Variants in MPRIP observed in about 807,000 individuals in gnomAD.
The protein encoded by MPRIP is myosin phosphatase Rho interacting protein.
In MPRIP, 59 loss-of-function variants were observed where a neutral mutation model predicts 234.9. The observed-to-expected ratio is 0.25, with a 90% CI of 0.20 to 0.31. The LOEUF is 0.31. Ranked by LOEUF, MPRIP falls within the 10% of genes least tolerant of loss-of-function variation. MPRIP has a pLI of 1.00. For missense variants in MPRIP, 2,436 were observed against 3,071.0 expected (o/e 0.79, Z 4.89); for synonymous variants, 1,144 against 1,263.9 (o/e 0.91, Z 2.01).
chr17:17,102,437 G>A (rs751362321), intron 3 of MPRIP, among the ~76,000 whole-genome samples: 59 of 152,362 alleles, frequency 3.9e-4, no homozygotes, highest in Middle Eastern at 3.4e-3. Flanking sequence ...GGTGCAGTGC[G>A]GAGCTGTCAG....
At chr17:17,097,098 G>A in intron 3 of MPRIP, 1 of 191,308 alleles carries the variant, frequency 5.2e-6, no homozygotes, top group East Asian at 1.3e-4. Context: ...GGCAGGATCA[G>A]CCAAAGCAGA....
intron 23 of MPRIP, chr17:17,180,551 C>T (rs2046351408): frequency 1.3e-6 from 2 of 1,519,854 alleles, no homozygotes; most frequent in South Asian, 1.1e-5. Context: ...GTGGGAGCGG[C>T]ACCGCGTGTG....
chr17:17,082,211 G>A (rs2089477100), intron 3 of MPRIP, among the ~76,000 whole-genome samples: 1 of 152,014 alleles, frequency 6.6e-6, no homozygotes, highest in Non-Finnish European at 1.5e-5. Context: ...GGGTGGAGCA[G>A]GCCAGGCCAT....
chr17:17,100,166 C>T (rs1184001943), intron 3 of MPRIP, among the ~76,000 whole-genome samples: 2 of 152,132 alleles, frequency 1.3e-5, no homozygotes, highest in Non-Finnish European at 2.9e-5. Flanking sequence ...CTTGGAAACA[C>T]GTTAATTTGG....
Position 17,165,404 on chromosome 17 carries a change from G to T in MPRIP, c.3813G>T (p.Gly1271=). 7.7e-7 allele frequency: 1 copy of T among 1,304,174 alleles called. No individual in the cohort carries two copies. The highest frequency in any genetic ancestry group is 1.0e-6 in the Non-Finnish European group (1 of 988,954). The allele number at this position is 1,304,174 out of a possible 1,614,324, so 80.8% of individuals were successfully genotyped here. ...TRLEDEDEDL[G]APPGEEYGDG... ...TCGAGGATGAGGACGAGGACCTGGGGGCTCCTCCGGGGGAAGAGTACGGTG... is the reference window on the plus strand; with the variant it reads ...TCGAGGATGAGGACGAGGACCTGGGTGCTCCTCCGGGGGAAGAGTACGGTG... The change falls in exon 16 of 24, where the codon GGG becomes GGT. Residue 1271 remains glycine, a synonymous_variant. Coordinates refer to ENST00000651222, the MANE Select transcript of MPRIP (RefSeq NM_001364716.4).
chr17:17,119,402 G>A (rs1284448366), intron 3 of MPRIP, among the ~76,000 whole-genome samples: 2 of 152,262 alleles, frequency 1.3e-5, no homozygotes, highest in African/African-American at 2.4e-5. Flanking sequence ...ATAAACTTAG[G>A]CATGACCTTG....
At position 17,158,452 on chromosome 17, in the gene MPRIP, A is replaced by G; in HGVS notation, c.1850A>G (p.Asn617Ser). Reference sequence around the variant, plus strand: ...CACAGCTCGTTGCCAGAGGAAAAAAACAAGAGCAGCTGCTCTTTTGAGACC... The same window carrying G: ...CACAGCTCGTTGCCAGAGGAAAAAAGCAAGAGCAGCTGCTCTTTTGAGACC... ...DVTSSLPEEK[N>S]KSSCSFETCP... The change falls in exon 14 of 24, where the codon AAC (asparagine) becomes AGC (serine). Residue 617 changes from asparagine (N) to serine (S), a missense_variant. Around this residue, in one of 4 missense-constraint regions of MPRIP, gnomAD observed 1,998 missense variants for 2,520.3 expected, o/e 0.79. Coordinates refer to ENST00000651222, the MANE Select transcript of MPRIP (RefSeq NM_001364716.4). 3 of 1,575,262 alleles carry G rather than the reference A, an allele frequency of 1.9e-6. No homozygotes were observed. Among genetic ancestry groups the G allele is most frequent in the Non-Finnish European group, 2.6e-6 (3 of 1,161,118 alleles).
intron 3 of MPRIP, among the ~76,000 whole-genome samples, chr17:17,122,385 G>A (rs1409295025): frequency 2.6e-5 from 4 of 152,036 alleles, no homozygotes; most frequent in African/African-American, 4.8e-5. Flanking sequence ...ATGGAATCTC[G>A]CTCCATCACC....
chr17:17,172,331 C>T (rs1371346727), intron 17 of MPRIP, among the ~76,000 whole-genome samples: 2 of 152,264 alleles, frequency 1.3e-5, no homozygotes, highest in Non-Finnish European at 2.9e-5. Flanking sequence ...ATCGCCACCT[C>T]AGTGGTTTGT....
At chr17:17,106,774 A>G (rs1181225495) in intron 3 of MPRIP, among the ~76,000 whole-genome samples, 3 of 152,184 alleles carry the variant, frequency 2.0e-5, no homozygotes, top group African/African-American at 4.8e-5. Context: ...CATTTTCCCA[A>G]CCTTGGAAGG....
chr17:17,166,942 A>G lies in MPRIP; in HGVS notation c.5351A>G (p.Gln1784Arg), dbSNP rs760386807. Residue 1784 changes from glutamine (Q) to arginine (R), a missense_variant, in exon 16 of 24, where the codon CAG becomes CGG. Physicochemically the swap from Gln to Arg is conservative, Grantham distance 43. Transcript: ENST00000651222. This position sits in a 1 kb window ranked among gnomAD's most constrained non-coding sequence, Gnocchi z 4.4. ...AFVAIQEELA[Q>R]QLKEKASLLE... is the part of the protein sequence containing the mutation. ...GTTGCTATTCAGGAGGAGCTTGCCC[A>G]GCAGCTGAAGGAGAAGGCCAGCCTC... is the stretch of plus-strand genomic sequence containing the variant. 7.0e-5 allele frequency: 91 copies of G among 1,304,114 alleles called. 2 individuals carry two copies. The South Asian group carries it at 1.0e-3, about 15-fold the overall frequency. The allele number at this position is 1,304,114 out of a possible 1,614,324, so 80.8% of individuals were successfully genotyped here. A position where few individuals can be genotyped will look rare whatever the true frequency, so the allele number is the denominator to read the frequency against.
At chr17:17,076,289 GT>G (rs1427869514) in intron 2 of MPRIP, 2 of 152,552 alleles carry the variant, frequency 1.3e-5, no homozygotes, top group East Asian at 3.9e-4. Context: ...CTGACCTGTG[GT>G]TTGTTTCTCT....
At chr17:17,105,585 GA>G (rs1334037582) in intron 3 of MPRIP, among the ~76,000 whole-genome samples, 1 of 152,208 alleles carries the variant, frequency 6.6e-6, no homozygotes, top group African/African-American at 2.4e-5. Flanking sequence ...CTTGGCCACT[GA>G]GTCAGGCCAC....
intron 3 of MPRIP, among the ~76,000 whole-genome samples, chr17:17,093,196 C>G (rs1309573146): frequency 6.6e-6 from 1 of 152,198 alleles, no homozygotes; most frequent in East Asian, 1.9e-4. Flanking sequence ...CATCCTATTT[C>G]CCCCAAAGTC....
At chr17:17,174,201 T>C in intron 19 of MPRIP, 126 bp downstream of exon 19, 1 of 1,211,168 alleles carries the variant, frequency 8.3e-7, no homozygotes, top group South Asian at 1.5e-5. Context: ...TGAAGGTCCC[T>C]GAACCACAGA....
rs566734262 is a variant in MPRIP, at chr17:17,075,628, G to A, written c.124-82G>A. ...AGAGCAGAGGCAACATCTGTTTCCA[G>A]CGAGTGCTTGCTGTTAACTTGACCT... On this transcript the variant is annotated intron_variant, in intron 1 of 23. Coordinates refer to ENST00000651222, the MANE Select transcript of MPRIP (RefSeq NM_001364716.4). 2.5e-6 allele frequency: 3 copies of A among 1,182,862 alleles called. No individual in the cohort carries two copies. The African/African-American group carries it at 4.5e-5, about 18-fold the overall frequency. The allele number at this position is 1,182,862 out of a possible 1,614,324, so 73.3% of individuals were successfully genotyped here.
Position 17,172,017 on chromosome 17 carries a change from C to G in MPRIP, c.6472+152C>G, listed in dbSNP as rs540658635. The G allele has an allele frequency of 9.3e-5, 88 of 943,556 alleles. No individual in the cohort carries two copies. In the African/African-American group the frequency reaches 1.4e-3, roughly 15 times the overall value. 58.4% of individuals were successfully genotyped at this position (943,556 alleles called of 1,614,324 possible). A position where few individuals can be genotyped will look rare whatever the true frequency, so the allele number is the denominator to read the frequency against. ...GGTTCTTTGACTATTCACTCTGAGGCAAAGGCCAATTTTAGGTCCCTTTTG... is the reference window on the plus strand; with the variant it reads ...GGTTCTTTGACTATTCACTCTGAGGGAAAGGCCAATTTTAGGTCCCTTTTG... On this transcript the variant is annotated intron_variant, in intron 17 of 23. Coordinates refer to ENST00000651222, the MANE Select transcript of MPRIP (RefSeq NM_001364716.4).
chr17:17,054,513 T>C (rs7221842), intron 1 of MPRIP, among the ~76,000 whole-genome samples: 114,758 of 152,072 alleles, frequency 0.75, 43,601 homozygotes, highest in East Asian at 0.99. Context: ...AGGACACACT[T>C]GCACCCACAC....
intron 3 of MPRIP, among the ~76,000 whole-genome samples, chr17:17,107,010 T>C (rs958129238): frequency 5.3e-5 from 8 of 152,178 alleles, no homozygotes; most frequent in Admixed American, 2.0e-4. Flanking sequence ...GGGGAAGTCT[T>C]TGGAAGCAGA....
Sources: allele counts gnomAD v4.1 joint callset (sites outside exome capture counted in the v4.1 genomes callset), GRCh38; gene constraint gnomAD v4.1.1; regional missense constraint gnomAD v4.1.1; non-coding constraint Gnocchi (gnomAD v3.1); transcripts MANE v1.5; gene names NCBI Gene and HGNC (gene_info 2026-07-23, HGNC 2026-07-21).